Variants in PSMC6 observed in about 807,000 individuals in gnomAD.
PSMC6 encodes 26S proteasome regulatory subunit 10B.
A neutral mutation model predicts 55.9 loss-of-function variants in PSMC6; 3 were observed. The ratio of observed to expected loss-of-function variants is 0.05; its 90% CI spans 0.02 to 0.14. PSMC6 has a LOEUF of 0.14. Among genes scored for constraint, PSMC6 ranks in the 10% least tolerant of loss-of-function variants. PSMC6 has a pLI of 1.00. For synonymous variants in PSMC6, 137 were observed against 155.9 expected, an observed-to-expected ratio of 0.88 and a Z score of 0.90; for missense variants, 210 against 478.7, an observed-to-expected ratio of 0.44 and a Z score of 5.24.
intron 1 of PSMC6, 192 bp downstream of exon 1, chr14:52,707,496 C>G (rs757335909): frequency 3.0e-6 from 2 of 675,764 alleles, no homozygotes; most frequent in African/African-American, 1.8e-5. Context: ...ATGGCCCAGT[C>G]CAGCCCGGGT....
chr14:52,708,451 C>T, intron 2 of PSMC6, 32 bp from the exon 3 acceptor site: 2 of 1,613,234 alleles, frequency 1.2e-6, no homozygotes, highest in Admixed American at 1.7e-5. Flanking sequence ...TAGCTGTTGC[C>T]AAAAAGTAAT....
At chr14:52,710,721 T>G in intron 4 of PSMC6, 1 of 238,000 alleles carries the variant, frequency 4.2e-6, no homozygotes, top group Non-Finnish European at 8.2e-6. Flanking sequence ...AAGCTGTACA[T>G]TTCAAAATAA....
Position 52,711,642 on chromosome 14 carries a change from T to A in PSMC6, c.441+118T>A, listed in dbSNP as rs192768108. 622 of 524,442 alleles carry A rather than the reference T, an allele frequency of 1.2e-3. 3 individuals carry two copies. The highest frequency in any genetic ancestry group is 0.012 in the African/African-American group (584 of 50,312). 32.5% of individuals were successfully genotyped at this position (524,442 alleles called of 1,614,324 possible). On this transcript the variant is annotated intron_variant, in intron 6 of 13. Transcript: ENST00000445930. ...TTTGTCTAAATGGTAGTTAAGAATATTATGTATTTACTATTCTTGCTAAGA... is the reference window on the plus strand; with the variant it reads ...TTTGTCTAAATGGTAGTTAAGAATAATATGTATTTACTATTCTTGCTAAGA...
At chr14:52,708,856 A>G (rs778362739) in intron 4 of PSMC6, 40 bp downstream of exon 4, 4 of 1,605,092 alleles carry the variant, frequency 2.5e-6, no homozygotes, top group Non-Finnish European at 3.4e-6. Flanking sequence ...TGATTGACAA[A>G]GCAGTTTCAT....
chr14:52,718,964 TCTA>T lies in PSMC6; in HGVS notation c.716-9_716-7del. ...AGAGTAATGCATATAAATTTCCAAA[TCTA>T]CTATCTTAGGTGGTCGTCGGTTTTC... On this transcript the variant is annotated splice_polypyrimidine_tract_variant and intron_variant, in intron 9 of 13. Transcript: ENST00000445930. 6.2e-7 allele frequency: 1 copy of T among 1,600,548 alleles called. No individual in the cohort carries two copies.
At chr14:52,713,843 T>A in intron 6 of PSMC6, 38 bp from the exon 7 acceptor site, 3 of 1,357,272 alleles carry the variant, frequency 2.2e-6, no homozygotes, top group Non-Finnish European at 2.1e-6. Context: ...TTAAAAATCT[T>A]GACTAACTTT....
At chr14:52,727,157 A>G (rs1375779426) in intron 13 of PSMC6, among the ~76,000 whole-genome samples, 1 of 149,164 alleles carries the variant, frequency 6.7e-6, no homozygotes, top group Non-Finnish European at 1.5e-5. Flanking sequence ...AGTAGCTGGG[A>G]CTACAGGCGC....
At chr14:52,720,367 CAAAAA>C (rs71444775) in intron 10 of PSMC6, among the ~76,000 whole-genome samples, 1,175 of 41,258 alleles carry the variant, frequency 0.028, 7 homozygotes, top group African/African-American at 0.099. Flanking sequence ...AACTCTGTCT[CAAAAA>C]AAAAAAAAAA....
At chr14:52,724,529 G>C (rs1880326159) in intron 13 of PSMC6, among the ~76,000 whole-genome samples, 1 of 152,224 alleles carries the variant, frequency 6.6e-6, no homozygotes, top group African/African-American at 2.4e-5. Flanking sequence ...AGCACCAGAG[G>C]TATCTGCTGC....
At position 52,727,596 on chromosome 14, in the gene PSMC6, A is replaced by G. The variant is rs754854308; in HGVS notation, c.1149A>G (p.Lys383=). 1.2e-6 allele frequency: 2 copies of G among 1,610,690 alleles called. No individual in the cohort carries two copies. The highest frequency in any genetic ancestry group is 1.7e-6 in the Non-Finnish European group (2 of 1,178,778). The change falls in exon 14 of 14, where the codon AAA becomes AAG. Residue 383 remains lysine, a synonymous_variant. Coordinates refer to ENST00000445930, the MANE Select transcript of PSMC6 (RefSeq NM_002806.5). ...KVADSKKLES[K]LDYKPV ...CTGATTCTAAGAAGCTGGAGTCTAA[A>G]TTGGACTACAAACCTGTGTAATTTA... is the stretch of plus-strand genomic sequence containing the variant.
At chr14:52,718,407 A>G in intron 9 of PSMC6, 55 bp downstream of exon 9, 1 of 1,536,116 alleles carries the variant, frequency 6.5e-7, no homozygotes, top group Non-Finnish European at 8.9e-7. Context: ...ATGTAAAAGA[A>G]CCTTTTTCCC....
At position 52,708,501 on chromosome 14, in the gene PSMC6, A is replaced by G. The variant is rs1451339304; in HGVS notation, c.184A>G (p.Lys62Glu). 3.1e-6 allele frequency: 5 copies of G among 1,613,972 alleles called. No homozygotes were observed. Among genetic ancestry groups the G allele is most frequent in the Non-Finnish European group, 2.5e-6 (3 of 1,179,896 alleles). ...TCCTTAGATCGTGGGTGAAGTGCTT[A>G]AACAGTTAACTGAAGAAAAATGTGA... ...SVGQIVGEVL[K>E]QLTEEKFIVK... The change falls in exon 3 of 14, where the codon AAA becomes GAA. Residue 62 changes from lysine to glutamate, a missense_variant. Lys to Glu is a moderately conservative substitution (Grantham distance 56). Transcript: ENST00000445930.
chr14:52,707,352 T>C (rs2041713728), intron 1 of PSMC6, 48 bp downstream of exon 1: 1 of 1,608,920 alleles, frequency 6.2e-7, no homozygotes, highest in African/African-American at 1.3e-5. Flanking sequence ...GACTCGCTTC[T>C]GCCTCTGACA....
intron 13 of PSMC6, 36 bp downstream of exon 13, chr14:52,724,072 G>T: frequency 6.3e-7 from 1 of 1,577,004 alleles, no homozygotes; most frequent in South Asian, 1.1e-5. Context: ...TATTGATTTT[G>T]ATTTTTAAAA....
chr14:52,727,710 C>T lies in PSMC6; in HGVS notation c.*93C>T. Reference sequence around the variant, plus strand: ...ATAATGTATGTATTGGTAATGATGTCATTAAAAGTATATGAATAAAAATAT... The same window carrying T: ...ATAATGTATGTATTGGTAATGATGTTATTAAAAGTATATGAATAAAAATAT... On this transcript the variant is annotated 3_prime_UTR_variant, in exon 14 of 14. Transcript: ENST00000445930. 1.4e-6 allele frequency: 1 copy of T among 708,124 alleles called. No individual in the cohort carries two copies. The highest frequency in any genetic ancestry group is 2.3e-6 in the Non-Finnish European group (1 of 428,482). The allele number at this position is 708,124 out of a possible 1,614,324, so 43.9% of individuals were successfully genotyped here. A position where few individuals can be genotyped will look rare whatever the true frequency, so the allele number is the denominator to read the frequency against.
intron 7 of PSMC6, 57 bp downstream of exon 7, chr14:52,714,025 A>T: frequency 8.7e-7 from 1 of 1,153,754 alleles, no homozygotes; most frequent in Non-Finnish European, 1.2e-6. Context: ...AGGAATTAAA[A>T]AAAAAAAGAC....
chr14:52,709,013 A>G (rs62005431), intron 4 of PSMC6, 197 bp downstream of exon 4: 36,120 of 621,248 alleles, frequency 0.058, 1,334 homozygotes, highest in Middle Eastern at 0.083. Flanking sequence ...CGTACTTTCT[A>G]CTGTATTACA....
chr14:52,717,951 C>A (rs899546560), intron 7 of PSMC6, 130 bp from the exon 8 acceptor site: 1 of 791,884 alleles, frequency 1.3e-6, no homozygotes, highest in Non-Finnish European at 2.1e-6. Flanking sequence ...TCGCTTAGGT[C>A]TGGGAGGTCA....
intron 12 of PSMC6, chr14:52,723,665 C>A: frequency 3.2e-6 from 1 of 312,322 alleles, no homozygotes; most frequent in South Asian, 7.3e-5. Context: ...CACAGCTTAA[C>A]AGGTATCTGG....
Sources: allele counts gnomAD v4.1 joint callset (sites outside exome capture counted in the v4.1 genomes callset), GRCh38; gene constraint gnomAD v4.1.1; transcripts MANE v1.5; gene names NCBI Gene and HGNC (gene_info 2026-07-23, HGNC 2026-07-21).